ZFHX4: variants seen among roughly 807,000 people sequenced by gnomAD.
ZFHX4 encodes the protein zinc finger homeobox 4.
Under a neutral mutation model 267.6 loss-of-function variants are expected in ZFHX4, and 56 were observed. The observed-to-expected ratio is 0.21, with a 90% CI of 0.17 to 0.26. The LOEUF is 0.26. Ranked by LOEUF, ZFHX4 falls within the 10% of genes least tolerant of loss-of-function variation. The pLI is 1.00. For missense variants in ZFHX4, 4,332 were observed against 4,420.0 expected (o/e 0.98, Z 0.56); for synonymous variants, 1,778 against 1,665.6 (o/e 1.07, Z -1.64).
intron 1 of ZFHX4, among the ~76,000 whole-genome samples, chr8:76,690,684 C>T (rs1241412759): frequency 6.6e-6 from 1 of 151,844 alleles, no homozygotes; most frequent in East Asian, 1.9e-4. Flanking sequence ...TTCATCATCC[C>T]TAACACTCCT....
chr8:76,765,229 C>T (rs185504303), intron 3 of ZFHX4, among the ~76,000 whole-genome samples: 2 of 152,160 alleles, frequency 1.3e-5, no homozygotes, highest in East Asian at 3.9e-4. Context: ...AAAATTATAC[C>T]TTGAGACACT....
chr8:76,728,575 G>T (rs1808916547), intron 3 of ZFHX4, among the ~76,000 whole-genome samples: 1 of 152,294 alleles, frequency 6.6e-6, no homozygotes, highest in Admixed American at 6.5e-5. Context: ...TTAATCAAGA[G>T]ATGAAAGGAA....
rs370743952 is a variant in ZFHX4, at chr8:76,706,477, C to A, written c.2389C>A (p.Leu797Ile). 6.2e-7 allele frequency: 1 copy of A among 1,614,026 alleles called. No individual in the cohort carries two copies. The highest frequency in any genetic ancestry group is 8.5e-7 in the Non-Finnish European group (1 of 1,179,946). Residue 797 changes from leucine to isoleucine, a missense_variant, in exon 2 of 11, where the codon CTT (leucine) becomes ATT (isoleucine). Physicochemically the swap from Leu to Ile is conservative, Grantham distance 5. This residue lies in a region of ZFHX4 where 1,195 missense variants were observed against 1,173.6 expected (regional missense o/e 1.02). Coordinates refer to ENST00000651372, the MANE Select transcript of ZFHX4 (RefSeq NM_024721.5). ...CGAAAAGCACATGCATAATATGATG[C>A]TTTTGCAGCAGAACATGAAGCAGAT... Reference protein sequence around the residue: ...TSEKHMHNMMLLQQNMKQIQH... With the variant: ...TSEKHMHNMMILQQNMKQIQH...
intron 4 of ZFHX4, among the ~76,000 whole-genome samples, chr8:76,794,873 T>TTGCGTG (rs765733398): frequency 7.0e-6 from 1 of 143,098 alleles, no homozygotes; most frequent in Non-Finnish European, 1.6e-5. Flanking sequence ...TGGCCTGTCA[T>TTGCGTG]TGTGTGTGTG....
In ZFHX4 at chr8:76,705,842, C is replaced by T. The variant is rs957990320; in HGVS notation, c.1754C>T (p.Ser585Leu). ...ATAGCCCGGGGAGACGAAGACAGTT[C>T]AGCCACTCCTCACCAGCATGGCTTT... ...SEIARGDEDS[S>L]ATPHQHGFTP... Residue 585 changes from serine (S) to leucine (L), a missense_variant, in exon 2 of 11, where the codon TCA (serine) becomes TTA (leucine). Physicochemically the swap from Ser to Leu is moderately radical, Grantham distance 145. This residue lies in a region of ZFHX4 where 1,195 missense variants were observed against 1,173.6 expected (regional missense o/e 1.02). Transcript: ENST00000651372. The T allele has an allele frequency of 6.2e-7, 1 of 1,613,814 alleles. No individual in the cohort carries two copies. The highest frequency in any genetic ancestry group is 8.5e-7 in the Non-Finnish European group (1 of 1,179,888).
At position 76,741,493 on chromosome 8, in the gene ZFHX4, C is replaced by A. The variant is rs377138999; in HGVS notation, c.3093+33445C>A. On this transcript the variant is annotated intron_variant, in intron 3 of 10. Transcript: ENST00000651372. ...GTCAAGTCCAGTGGTTACTCTCCAT[C>A]CTTATCTCCAAGTATAAAATCTCAT... Among the ~76,000 whole-genome samples the A allele has an allele frequency of 1.1e-4, 17 of 152,296 alleles. 1 individual carries two copies. Among genetic ancestry groups the A allele is most frequent in the African/African-American group, 4.1e-4 (17 of 41,558 alleles).
intron 4 of ZFHX4, among the ~76,000 whole-genome samples, chr8:76,785,747 G>T (rs185613447): frequency 1.3e-5 from 2 of 152,186 alleles, no homozygotes; most frequent in East Asian, 3.8e-4. Flanking sequence ...GCCAAGTGAG[G>T]TGGAGAATTG....
chr8:76,849,581 C>A lies in ZFHX4; in HGVS notation c.3715C>A (p.Gln1239Lys), dbSNP rs1477389078. ...TCGTATCCAGATGCACGTCCTATCA[C>A]AGCACTCGGTGCAGCCGGTCATCTG... Reference protein sequence around the residue: ...QSRIQMHVLSQHSVQPVICCP... With the variant: ...QSRIQMHVLSKHSVQPVICCP... The change falls in exon 8 of 11, where the codon CAG (glutamine) becomes AAG (lysine). Residue 1239 changes from glutamine to lysine, a missense_variant. Gln to Lys is a moderately conservative substitution (Grantham distance 53). Transcript: ENST00000651372. The A allele has an allele frequency of 2.5e-6, 4 of 1,613,960 alleles. No individual in the cohort carries two copies. In the South Asian group the frequency reaches 4.4e-5, roughly 18 times the overall value.
chr8:76,850,037 C>A (rs185547670), intron 8 of ZFHX4: 4 of 585,206 alleles, frequency 6.8e-6, no homozygotes, highest in South Asian at 4.3e-5. Context: ...CTACAGGAAC[C>A]TTTAAGCCAT....
At chr8:76,782,100 A>ATTT (rs77420241) in intron 4 of ZFHX4, 135 of 236,718 alleles carry the variant, frequency 5.7e-4, no homozygotes, top group African/African-American at 2.1e-3. Flanking sequence ...TCAGTTAAGA[A>ATTT]TTTTTTTTTT....
In ZFHX4 at chr8:76,704,307, G is replaced by A. The variant is rs374032973; in HGVS notation, c.219G>A (p.Gln73=). 271 of 1,613,982 alleles carry A rather than the reference G, an allele frequency of 1.7e-4. 2 individuals are homozygous for A. In the East Asian group the frequency reaches 5.5e-3, roughly 33 times the overall value. ...GFSVENAAAT[Q]VTSAKEIPCN... is the part of the protein sequence containing the mutation. ...GCGTTGAGAATGCAGCTGCCACTCA[G>A]GTTACCTCAGCAAAGGAGATACCCT... Residue 73 remains glutamine, a synonymous_variant, in exon 2 of 11, where the codon CAG becomes CAA. Transcript: ENST00000651372.
chr8:76,814,548 T>C (rs140715247), intron 4 of ZFHX4, among the ~76,000 whole-genome samples: 3 of 152,324 alleles, frequency 2.0e-5, no homozygotes, highest in African/African-American at 7.2e-5. Context: ...AGATTACTAA[T>C]ACTTTTGAAA....
At chr8:76,848,408 A>T (rs1563556019) in intron 6 of ZFHX4, among the ~76,000 whole-genome samples, 1 of 152,316 alleles carries the variant, frequency 6.6e-6, no homozygotes, top group Middle Eastern at 3.4e-3. Flanking sequence ...TTTGTACTAA[A>T]TGTTATATGT....
In ZFHX4 at chr8:76,701,745, T is replaced by C. The variant is rs79719689; in HGVS notation, c.-46-2298T>C. Among the ~76,000 whole-genome samples, 74 of 152,292 alleles carry C rather than the reference T, an allele frequency of 4.9e-4. No homozygotes were observed. The East Asian group carries it at 0.013, about 26-fold the overall frequency. ...AATAGCATACATAGCTTAGAAACTT[T>C]TTTACAAAGCTGTAAAATGTTGAGG... On this transcript the variant is annotated intron_variant, in intron 1 of 10. Coordinates refer to ENST00000651372, the MANE Select transcript of ZFHX4 (RefSeq NM_024721.5).
chr8:76,784,767 A>T (rs916927112), intron 4 of ZFHX4, among the ~76,000 whole-genome samples: 2 of 152,116 alleles, frequency 1.3e-5, no homozygotes, highest in Non-Finnish European at 2.9e-5. Context: ...AAATTTTTTT[A>T]AAACTCAAGT....
intron 6 of ZFHX4, among the ~76,000 whole-genome samples, chr8:76,845,790 A>G (rs1812350501): frequency 6.6e-6 from 1 of 152,002 alleles, no homozygotes; most frequent in Non-Finnish European, 1.5e-5. Flanking sequence ...TAGCAATCTC[A>G]TGCAAGTTAA....
At chr8:76,757,473 T>G (rs1382758369) in intron 3 of ZFHX4, among the ~76,000 whole-genome samples, 1 of 152,150 alleles carries the variant, frequency 6.6e-6, no homozygotes, top group African/African-American at 2.4e-5. Context: ...ATTCTGAGTG[T>G]GATGGTCAAC....
chr8:76,853,383 A>C lies in ZFHX4; in HGVS notation c.6462A>C (p.Pro2154=), dbSNP rs375994521. The C allele has an allele frequency of 9.9e-6, 16 of 1,613,762 alleles. No homozygotes were observed. Among genetic ancestry groups the C allele is most frequent in the African/African-American group, 1.3e-5 (1 of 74,920 alleles). Residue 2154 remains proline (P), a synonymous_variant, in exon 10 of 11, where the codon CCA becomes CCC. Coordinates refer to ENST00000651372, the MANE Select transcript of ZFHX4 (RefSeq NM_024721.5). Reference sequence around the variant, plus strand: ...CTTATTTTGACATTAATAATTCTCCAAGTGAAGAACAGATCCAGGAAATGG... The same window carrying C: ...CTTATTTTGACATTAATAATTCTCCCAGTGAAGAACAGATCCAGGAAATGG... ...LRAYFDINNS[P]SEEQIQEMAE... is the part of the protein sequence containing the mutation.
At chr8:76,700,853 G>A (rs760557085) in intron 1 of ZFHX4, among the ~76,000 whole-genome samples, 5 of 152,134 alleles carry the variant, frequency 3.3e-5, no homozygotes, top group African/African-American at 4.8e-5. Flanking sequence ...CTGGCAGTAG[G>A]GAACAGAAGT....
Sources: allele counts gnomAD v4.1 joint callset (sites outside exome capture counted in the v4.1 genomes callset), GRCh38; gene constraint gnomAD v4.1.1; regional missense constraint gnomAD v4.1.1; transcripts MANE v1.5; gene names NCBI Gene and HGNC (gene_info 2026-07-23, HGNC 2026-07-21).